Variants in ST8SIA6 observed in about 807,000 individuals in gnomAD.
The protein encoded by ST8SIA6 is ST8 alpha-N-acetyl-neuraminide alpha-2,8-sialyltransferase 6, also known as alpha-2,8-sialyltransferase 8F.
In ST8SIA6, 39 loss-of-function variants were observed where a neutral mutation model predicts 33.6. That is an observed-to-expected ratio of 1.16 (90% CI 0.90 to 1.52). The LOEUF (loss-of-function observed/expected upper bound fraction) is 1.52, where lower values mean the gene tolerates loss of function less well. ST8SIA6 is among the 40% of genes most tolerant of loss of function. The pLI, the probability that ST8SIA6 is intolerant of heterozygous loss-of-function variation, is 0.00. For missense variants in ST8SIA6, 441 were observed against 443.8 expected (o/e 0.99, Z 0.06); for synonymous variants, 172 against 167.2 (o/e 1.03, Z -0.22).
chr10:17,396,707 T>A (rs1484547865), intron 2 of ST8SIA6, among the ~76,000 whole-genome samples: 1 of 152,196 alleles, frequency 6.6e-6, no homozygotes, highest in Non-Finnish European at 1.5e-5. Flanking sequence ...CTTTCCCAGC[T>A]CAATTCCATC....
At position 17,385,458 on chromosome 10, in the gene ST8SIA6, G is replaced by A. The variant is rs570837507; in HGVS notation, c.290+5073C>T. Among the ~76,000 whole-genome samples, 150 of 151,856 alleles carry A rather than the reference G, an allele frequency of 9.9e-4. 3 individuals carry two copies. The South Asian group carries it at 0.03, about 30-fold the overall frequency. On this transcript the variant is annotated intron_variant, in intron 3 of 7. Transcript: ENST00000377602. ...GCTTTTTAATCGCCTGGGTGCAGGCGGAGTGAGTCGGAAAAAGGAGTCAGC... is the reference window on the plus strand; with the variant it reads ...GCTTTTTAATCGCCTGGGTGCAGGCAGAGTGAGTCGGAAAAAGGAGTCAGC...
At chr10:17,429,328 T>G (rs1354602777) in intron 2 of ST8SIA6, among the ~76,000 whole-genome samples, 1 of 152,068 alleles carries the variant, frequency 6.6e-6, no homozygotes, top group Non-Finnish European at 1.5e-5. Flanking sequence ...TTTTCTGTTT[T>G]CGAGGCAGGG....
At chr10:17,451,258 T>C (rs556053446) in intron 2 of ST8SIA6, among the ~76,000 whole-genome samples, 11 of 152,240 alleles carry the variant, frequency 7.2e-5, no homozygotes, top group African/African-American at 2.6e-4. Flanking sequence ...AAAAGAAGGA[T>C]TTAATGTCTT....
chr10:17,315,560 A>G lies in ST8SIA6; in HGVS notation c.*5318T>C, dbSNP rs529954560. ...CAGTAAATAAAGGCATAAACTACAG[A>G]TACACAATCAACATGAATGAGTTTT... On this transcript the variant is annotated 3_prime_UTR_variant, in exon 8 of 8. Coordinates refer to ENST00000377602, the MANE Select transcript of ST8SIA6 (RefSeq NM_001004470.3). Among the ~76,000 whole-genome samples the G allele has an allele frequency of 6.6e-6, 1 of 152,186 alleles. No homozygotes were observed. Among genetic ancestry groups the G allele is most frequent in the Admixed American group, 6.5e-5 (1 of 15,278 alleles).
chr10:17,386,463 C>T (rs1850352638), intron 3 of ST8SIA6, among the ~76,000 whole-genome samples: 1 of 152,138 alleles, frequency 6.6e-6, no homozygotes, highest in Admixed American at 6.5e-5. Context: ...CACTTGAACC[C>T]GGGAGGTGGA....
At chr10:17,443,400 A>G (rs1399069111) in intron 2 of ST8SIA6, among the ~76,000 whole-genome samples, 2 of 152,244 alleles carry the variant, frequency 1.3e-5, no homozygotes, top group African/African-American at 2.4e-5. Context: ...ATCATTTGCA[A>G]AATTAATGGT....
chr10:17,339,877 T>C (rs1231008897), intron 4 of ST8SIA6, among the ~76,000 whole-genome samples: 1 of 152,222 alleles, frequency 6.6e-6, no homozygotes, highest in African/African-American at 2.4e-5. Context: ...TAGCACCTAT[T>C]AAATATTGAG....
In ST8SIA6 at chr10:17,318,772, A is replaced by T. The variant is rs938108049; in HGVS notation, c.*2106T>A. 2.1e-6 allele frequency: 1 copy of T among 466,868 alleles called. No individual in the cohort carries two copies. Among genetic ancestry groups the T allele is most frequent in the Non-Finnish European group, 4.4e-6 (1 of 226,354 alleles). The allele number at this position is 466,868 out of a possible 1,614,324, so 28.9% of individuals were successfully genotyped here. ...TTGCAATGATTCACCAATACAGAACAAAAAGAACTGTGACTTACGTTTTAC... is the reference window on the plus strand; with the variant it reads ...TTGCAATGATTCACCAATACAGAACTAAAAGAACTGTGACTTACGTTTTAC... On this transcript the variant is annotated 3_prime_UTR_variant, in exon 8 of 8. Transcript: ENST00000377602.
intron 3 of ST8SIA6, among the ~76,000 whole-genome samples, chr10:17,381,902 T>G (rs1850164108): frequency 6.6e-6 from 1 of 152,256 alleles, no homozygotes; most frequent in South Asian, 2.1e-4. Context: ...AGAACTGTTA[T>G]CGTCTTTGTT....
At chr10:17,331,976 G>A (rs1487514223) in intron 4 of ST8SIA6, among the ~76,000 whole-genome samples, 1 of 152,094 alleles carries the variant, frequency 6.6e-6, no homozygotes, top group Non-Finnish European at 1.5e-5. Flanking sequence ...AGTGTGAGAT[G>A]TTCCCCTCTC....
intron 3 of ST8SIA6, among the ~76,000 whole-genome samples, chr10:17,361,761 GC>G (rs1849399065): frequency 6.7e-6 from 1 of 148,486 alleles, no homozygotes; most frequent in Non-Finnish European, 1.5e-5. Context: ...AAAGATAGAT[GC>G]AAAAAATCCT....
At chr10:17,388,491 T>G (rs188733807) in intron 3 of ST8SIA6, among the ~76,000 whole-genome samples, 1 of 152,176 alleles carries the variant, frequency 6.6e-6, no homozygotes, top group East Asian at 1.9e-4. Flanking sequence ...ATTTCTAACA[T>G]TAAAAGAAGC....
At position 17,363,426 on chromosome 10, in the gene ST8SIA6, G is replaced by A. The variant is rs199547581; in HGVS notation, c.291-3826C>T. Among the ~76,000 whole-genome samples, 7 of 152,276 alleles carry A rather than the reference G, an allele frequency of 4.6e-5. No homozygotes were observed. The East Asian group carries it at 1.3e-3, about 29-fold the overall frequency. On this transcript the variant is annotated intron_variant, in intron 3 of 7. Transcript: ENST00000377602. Reference sequence around the variant, plus strand: ...TAGAACTTGCCAATTAGTTCACATAGGAAATTGAGAAAGGGGTTTATATTG... The same window carrying A: ...TAGAACTTGCCAATTAGTTCACATAAGAAATTGAGAAAGGGGTTTATATTG...
chr10:17,356,911 A>G (rs1464818390), intron 4 of ST8SIA6, among the ~76,000 whole-genome samples: 1 of 152,022 alleles, frequency 6.6e-6, no homozygotes. Context: ...CAAAAAAAAG[A>G]AAGGAAAGGA....
chr10:17,438,257 A>G (rs1012317810), intron 2 of ST8SIA6, among the ~76,000 whole-genome samples: 1 of 152,180 alleles, frequency 6.6e-6, no homozygotes, highest in Admixed American at 6.5e-5. Context: ...CTTGATAAGT[A>G]TGTACTTTAG....
intron 2 of ST8SIA6, among the ~76,000 whole-genome samples, chr10:17,393,469 T>C (rs1263852882): frequency 6.6e-6 from 1 of 152,234 alleles, no homozygotes; most frequent in Admixed American, 6.5e-5. Flanking sequence ...AAGAACATGC[T>C]GGAAGGTCTT....
At chr10:17,450,591 C>T (rs1399470304) in intron 2 of ST8SIA6, among the ~76,000 whole-genome samples, 1 of 152,112 alleles carries the variant, frequency 6.6e-6, no homozygotes, top group African/African-American at 2.4e-5. Context: ...CAGGTGCACA[C>T]ACTCACACCC....
At chr10:17,388,254 C>T (rs1219611125) in intron 3 of ST8SIA6, among the ~76,000 whole-genome samples, 1 of 152,198 alleles carries the variant, frequency 6.6e-6, no homozygotes, top group African/African-American at 2.4e-5. Flanking sequence ...CTCCTGGATC[C>T]TGGATTCCAT....
At chr10:17,339,198 ATTC>A (rs1201877989) in intron 4 of ST8SIA6, among the ~76,000 whole-genome samples, 3 of 151,756 alleles carry the variant, frequency 2.0e-5, no homozygotes, top group East Asian at 3.9e-4. Context: ...TCAGGTCAAA[ATTC>A]TTCTTCAGTT....
Sources: allele counts gnomAD v4.1 joint callset (sites outside exome capture counted in the v4.1 genomes callset), GRCh38; gene constraint gnomAD v4.1.1; transcripts MANE v1.5; gene names NCBI Gene and HGNC (gene_info 2026-07-23, HGNC 2026-07-21).